DEAF1: variants seen among roughly 807,000 people sequenced by gnomAD.
DEAF1 encodes the protein deformed epidermal autoregulatory factor 1 homolog.
A neutral mutation model predicts 58.9 loss-of-function variants in DEAF1; 53 were observed. That is an observed-to-expected ratio of 0.90 (90% confidence interval 0.72 to 1.13). The LOEUF (loss-of-function observed/expected upper bound fraction) is 1.13. Among genes scored for constraint, DEAF1 ranks in the 50% most tolerant of loss-of-function variants. The pLI, the probability that DEAF1 is intolerant of heterozygous loss-of-function variation, is 0.00. For missense variants in DEAF1, 685 were observed against 791.4 expected (o/e 0.87, Z 1.61); for synonymous variants, 385 against 340.4 (o/e 1.13, Z -1.44).
At chr11:681,236 C>G (rs1462110613) in intron 6 of DEAF1, 147 bp from the exon 7 acceptor site, 7 of 1,161,742 alleles carry the variant, frequency 6.0e-6, no homozygotes, top group South Asian at 2.6e-5. Flanking sequence ...AAAGATCCCA[C>G]CTCTTTTTCT....
intron 1 of DEAF1, chr11:702,990 G>C: frequency 1.2e-6 from 2 of 1,611,654 alleles, no homozygotes; most frequent in Non-Finnish European, 8.5e-7. Flanking sequence ...CTGGCCGCCA[G>C]CCTGGCCCTC....
In DEAF1 at chr11:703,099, C is replaced by T. The variant is rs146700250; in HGVS notation, c.-438+3473G>A. On this transcript the variant is annotated intron_variant, in intron 1 of 11. Coordinates refer to the DEAF1 transcript ENST00000683307. ...TCAGCGCCACGCTCCTGGCCCTTCACGGCCTGGAGGCCGTCCTGCAGGTGG... is the reference window on the plus strand; with the variant it reads ...TCAGCGCCACGCTCCTGGCCCTTCATGGCCTGGAGGCCGTCCTGCAGGTGG... The T allele has an allele frequency of 3.2e-5, 52 of 1,611,632 alleles. No individual in the cohort carries two copies. The African/African-American group carries it at 4.8e-4, about 15-fold the overall frequency.
At chr11:648,172 A>G (rs567283475) in intron 11 of DEAF1, among the ~76,000 whole-genome samples, 3 of 150,458 alleles carry the variant, frequency 2.0e-5, no homozygotes, top group East Asian at 1.9e-4. Flanking sequence ...GTCCTCTACA[A>G]TTAATTTTTA....
At chr11:660,508 C>T (rs1420469130) in intron 10 of DEAF1, among the ~76,000 whole-genome samples, 2 of 152,234 alleles carry the variant, frequency 1.3e-5, no homozygotes, top group East Asian at 3.9e-4. Context: ...CCCACCACAA[C>T]ACCCCTGGCT....
intron 10 of DEAF1, among the ~76,000 whole-genome samples, chr11:660,356 G>A (rs187435884): frequency 3.7e-4 from 57 of 152,228 alleles, no homozygotes; most frequent in African/African-American, 1.3e-3. Flanking sequence ...ACCTGTCCCC[G>A]CCCCTGCCCC....
intron 10 of DEAF1, among the ~76,000 whole-genome samples, chr11:663,867 T>G (rs1859419905): frequency 6.6e-6 from 1 of 152,242 alleles, no homozygotes; most frequent in African/African-American, 2.4e-5. Context: ...TGGTCCTGTC[T>G]GCTACCATGG....
intron 1 of DEAF1, chr11:702,948 C>A: frequency 1.2e-6 from 2 of 1,605,918 alleles, no homozygotes; most frequent in Non-Finnish European, 1.7e-6. Context: ...TCTCCAGGCA[C>A]CAGGGGCAAC....
intron 10 of DEAF1, among the ~76,000 whole-genome samples, chr11:665,445 C>A (rs1564933170): frequency 6.6e-6 from 1 of 152,216 alleles, no homozygotes. Flanking sequence ...CCTGACATTT[C>A]TTCTAACTCC....
At chr11:687,499 G>A (rs567815431) in intron 4 of DEAF1, among the ~76,000 whole-genome samples, 10 of 152,272 alleles carry the variant, frequency 6.6e-5, no homozygotes, top group African/African-American at 1.9e-4. Context: ...TTTTGTTGTC[G>A]TTGTTGTTGA....
At chr11:659,382 G>A (rs1299289162) in intron 10 of DEAF1, among the ~76,000 whole-genome samples, 1 of 152,190 alleles carries the variant, frequency 6.6e-6, no homozygotes, top group African/African-American at 2.4e-5. Context: ...GACAGAGGGA[G>A]AACATGTCTC....
chr11:648,447 G>A (rs375874223), intron 11 of DEAF1, among the ~76,000 whole-genome samples: 6 of 152,150 alleles, frequency 3.9e-5, no homozygotes, highest in East Asian at 1.9e-4. Flanking sequence ...CGCCCGCCTC[G>A]GCCTCCCAAA....
intron 6 of DEAF1, among the ~76,000 whole-genome samples, chr11:682,324 C>T (rs1039381701): frequency 1.6e-4 from 24 of 152,218 alleles, no homozygotes; most frequent in African/African-American, 5.5e-4. Flanking sequence ...CTGAGAGGTT[C>T]GATCTTGAAG....
chr11:675,816 T>A (rs1383784692), intron 9 of DEAF1, among the ~76,000 whole-genome samples: 1 of 151,676 alleles, frequency 6.6e-6, no homozygotes. Context: ...TGAGACTCCA[T>A]CTCAAAAAAG....
chr11:658,748 C>G (rs889218247), intron 10 of DEAF1, among the ~76,000 whole-genome samples: 4 of 152,258 alleles, frequency 2.6e-5, no homozygotes, highest in Non-Finnish European at 5.9e-5. Flanking sequence ...AGCAGCGGGT[C>G]CAGCCCCTCA....
chr11:656,894 C>T (rs983093933), intron 10 of DEAF1, among the ~76,000 whole-genome samples: 2 of 151,658 alleles, frequency 1.3e-5, no homozygotes, highest in East Asian at 1.9e-4. Context: ...TGAAAAATAA[C>T]GTTCTAGGAA....
chr11:650,976 T>G (rs910845396), intron 11 of DEAF1, among the ~76,000 whole-genome samples: 1 of 152,024 alleles, frequency 6.6e-6, no homozygotes, highest in Non-Finnish European at 1.5e-5. Context: ...TAATTTTTTT[T>G]TTTTGAGATG....
chr11:655,840 A>T (rs145216582), intron 10 of DEAF1, among the ~76,000 whole-genome samples: 1,829 of 110,226 alleles, frequency 0.017, 35 homozygotes, highest in African/African-American at 0.05. Context: ...TATTATTATT[A>T]TTATTTTTTT....
chr11:695,914 A>G, upstream of DEAF1: 1 of 1,164,998 alleles, frequency 8.6e-7, no homozygotes. Context: ...TGTGGTGACA[A>G]TCCGGTTTCC....
In DEAF1 at chr11:644,615, C is replaced by G. The variant is rs1858395604; in HGVS notation, c.1633G>C (p.Ala545Pro). The G allele has an allele frequency of 1.2e-6, 2 of 1,612,900 alleles. No individual in the cohort carries two copies. Among genetic ancestry groups the G allele is most frequent in the Non-Finnish European group, 1.7e-6 (2 of 1,179,912 alleles). Residue 545 changes from alanine to proline, a missense_variant, in exon 12 of 12, where the codon GCT (alanine) becomes CCT (proline). By Grantham distance (27) the Ala-to-Pro change is conservative. Coordinates refer to ENST00000382409, the MANE Select transcript of DEAF1 (RefSeq NM_021008.4). This position sits in a 1 kb window ranked among gnomAD's most constrained non-coding sequence, Gnocchi z 4.3. ...DHQHICGQSA[A>P]VTVQADEVHV... Reference sequence around the variant, plus strand: ...ACTTCGTCTGCCTGGACGGTGACAGCTGCTGACTGGCCGCATATGTGCTGG... The same window carrying G: ...ACTTCGTCTGCCTGGACGGTGACAGGTGCTGACTGGCCGCATATGTGCTGG...
Sources: gnomAD v4.1 joint callset for allele counts (sites outside exome capture counted in the v4.1 genomes callset) on GRCh38, gnomAD v4.1.1 for gene constraint, Gnocchi (gnomAD v3.1) non-coding constraint, MANE v1.5 for transcripts, NCBI Gene and HGNC (gene_info 2026-07-23, HGNC 2026-07-21) for gene names.